Variants in KIF4A observed in about 807,000 individuals in gnomAD.
KIF4A encodes chromosome-associated kinesin KIF4A.
A neutral mutation model predicts 105.9 loss-of-function variants in KIF4A; 7 were observed. The ratio of observed to expected loss-of-function variants is 0.07; its 90% confidence interval spans 0.04 to 0.12. The LOEUF is 0.12. KIF4A is among the 10% of genes least tolerant of loss of function. The probability of loss-of-function intolerance (pLI) is 1.00; values close to 1 mark genes in which losing one functional copy is unlikely to be tolerated. For synonymous variants in KIF4A, 281 were observed against 331.3 expected (o/e 0.85, Z 1.65); for missense variants, 558 against 929.2 (o/e 0.60, Z 5.19).
At chrX:70,366,667 C>A (rs1256058742) in intron 15 of KIF4A, among the ~76,000 whole-genome samples, 1 of 111,753 alleles carries the variant, frequency 8.9e-6, no homozygotes, top group Non-Finnish European at 1.9e-5. Flanking sequence ...GCTTTACTTC[C>A]AACTATGTGG....
At chrX:70,363,244 C>CT (rs66746620) in intron 15 of KIF4A, among the ~76,000 whole-genome samples, 1,830 of 105,990 alleles carry the variant, frequency 0.017, 38 homozygotes, top group African/African-American at 0.059. Flanking sequence ...AACTATTTTT[C>CT]TTTTTTTTTT....
At chrX:70,417,808 C>G in intron 28 of KIF4A, 80 bp from the exon 29 acceptor site, 1 of 760,025 alleles carries the variant, frequency 1.3e-6, no homozygotes, top group Non-Finnish European at 1.9e-6. Context: ...TCTAGAAAAG[C>G]TTGCAAATGA....
In KIF4A at chrX:70,341,938, C is replaced by T. The variant is rs1022320675; in HGVS notation, c.1266+7C>T. On this transcript the variant is annotated splice_region_variant and intron_variant, in intron 11 of 30. Coordinates refer to ENST00000374403, the MANE Select transcript of KIF4A (RefSeq NM_012310.5). ...GTTGGAGAGGATCATTTTGGTAAGC[C>T]CCCAAGAATAAACTACTAGCAATCT... 8.3e-7 allele frequency: 1 copy of T among 1,200,694 alleles called. No individual in the cohort carries two copies. Among genetic ancestry groups the T allele is most frequent in the Non-Finnish European group, 1.1e-6 (1 of 891,508 alleles).
intron 7 of KIF4A, among the ~76,000 whole-genome samples, chrX:70,310,437 G>C (rs1380456777): frequency 9.1e-6 from 1 of 109,849 alleles, no homozygotes; most frequent in Non-Finnish European, 1.9e-5. Flanking sequence ...TTGCTGAGTA[G>C]TATTCAATTC....
intron 15 of KIF4A, among the ~76,000 whole-genome samples, chrX:70,360,451 G>T (rs2086070443): frequency 8.9e-6 from 1 of 112,615 alleles, no homozygotes; most frequent in Non-Finnish European, 1.9e-5. Flanking sequence ...CAACCCTGCT[G>T]GTACTGACTA....
intron 25 of KIF4A, among the ~76,000 whole-genome samples, chrX:70,405,062 C>T (rs887477587): frequency 2.7e-5 from 3 of 111,247 alleles, no homozygotes; most frequent in Non-Finnish European, 5.7e-5. Context: ...ATATCAGACT[C>T]TGAGGCCTTG....
At chrX:70,395,897 G>T in intron 21 of KIF4A, 52 bp from the exon 22 acceptor site, 1 of 1,194,123 alleles carries the variant, frequency 8.4e-7, no homozygotes, top group Non-Finnish European at 1.1e-6. Context: ...CATAGCTTTG[G>T]AGGATTACTT....
rs1478724197 is a variant in KIF4A at position 70,395,963 on chromosome X, C to T, written c.2403C>T (p.Ser801=). 1.7e-6 allele frequency: 2 copies of T among 1,207,977 alleles called. No individual in the cohort carries two copies. The highest frequency in any genetic ancestry group is 4.4e-5 in the Admixed American group (2 of 45,892). The change falls in exon 22 of 31, where the codon TCC becomes TCT. Residue 801 remains serine (S), a synonymous_variant. Coordinates refer to ENST00000374403, the MANE Select transcript of KIF4A (RefSeq NM_012310.5). ...ATTATTTACAGAGGCGTACATTCTCCCTTACTGAAGTGCGTGGTCAAGTTT... is the reference window on the plus strand; with the variant it reads ...ATTATTTACAGAGGCGTACATTCTCTCTTACTGAAGTGCGTGGTCAAGTTT... ...PPPKLRRRTF[S]LTEVRGQVSE...
At chrX:70,374,346 C>A in intron 16 of KIF4A, 92 bp downstream of exon 16, 1 of 512,344 alleles carries the variant, frequency 2.0e-6, no homozygotes, top group Non-Finnish European at 3.1e-6. Context: ...CATTTACTGC[C>A]CCTAAAGATT....
In KIF4A at chrX:70,406,318, A is replaced by G. The variant is rs760196024; in HGVS notation, c.3036A>G (p.Leu1012=). Residue 1012 remains leucine (L), a synonymous_variant, in exon 27 of 31, where the codon CTA becomes CTG. Transcript: ENST00000374403. The part of the protein sequence containing the change: ...RQKHLPKDTL[L]SPDSSFEYVP... The stretch of plus-strand genomic sequence containing the variant: ...AACATCTTCCTAAGGATACCCTTCT[A>G]TCTCCAGACTCTTCTTTTGAATATG... The G allele has an allele frequency of 1.7e-6, 2 of 1,207,120 alleles. No homozygotes were observed. Among genetic ancestry groups the G allele is most frequent in the Non-Finnish European group, 2.2e-6 (2 of 891,390 alleles).
chrX:70,381,832 T>C (rs145611272), intron 18 of KIF4A, among the ~76,000 whole-genome samples: 33 of 111,452 alleles, frequency 3.0e-4, no homozygotes, highest in African/African-American at 1.0e-3. Flanking sequence ...GATTCTAAAA[T>C]ATATATGGAA....
At chrX:70,291,587 T>C (rs1247720783) in intron 3 of KIF4A, among the ~76,000 whole-genome samples, 2 of 111,725 alleles carry the variant, frequency 1.8e-5, no homozygotes, top group African/African-American at 6.5e-5. Context: ...GCCTGAGAGA[T>C]GTCTAATTAT....
chrX:70,328,517 G>A lies in KIF4A; in HGVS notation c.779-888G>A, dbSNP rs180934917. ...TTCAAACGTGAATTTTGGAGGAGAC[G>A]CAAACATTTAAACTATAGCATGATT... On this transcript the variant is annotated intron_variant, in intron 7 of 30. Transcript: ENST00000374403. Among the ~76,000 whole-genome samples the A allele has an allele frequency of 4.5e-5, 5 of 111,839 alleles. No homozygotes were observed. The East Asian group carries it at 1.4e-3, about 31-fold the overall frequency.
intron 10 of KIF4A, among the ~76,000 whole-genome samples, chrX:70,339,463 A>G (rs934476039): frequency 4.4e-5 from 5 of 112,425 alleles, no homozygotes; most frequent in African/African-American, 1.6e-4. Context: ...AGTTTAGCAC[A>G]AAAAGTTCCA....
At chrX:70,322,456 C>T (rs983763550) in intron 7 of KIF4A, among the ~76,000 whole-genome samples, 7 of 109,239 alleles carry the variant, frequency 6.4e-5, no homozygotes, top group South Asian at 8.2e-4. Flanking sequence ...GGACTACAGG[C>T]GCCCACCACC....
chrX:70,301,952 G>C lies in KIF4A; in HGVS notation c.569G>C (p.Cys190Ser). 2.5e-6 allele frequency: 3 copies of C among 1,211,520 alleles called. No homozygotes were observed. Among genetic ancestry groups the C allele is most frequent in the South Asian group, 1.8e-5 (1 of 56,960 alleles). ...TVLVALDTVSCLEQGNNSRTV... is the reference protein window; with the variant it reads ...TVLVALDTVSSLEQGNNSRTV... ...TTGGTTGCCTTGGATACTGTTTCCT[G>C]TTTGGAACAGGGCAACAACTCTAGG... is the stretch of plus-strand genomic sequence containing the variant. The change falls in exon 6 of 31, where the codon TGT (cysteine) becomes TCT (serine). Residue 190 changes from cysteine (C) to serine (S), a missense_variant. This residue lies in a region of KIF4A where 89 missense variants were observed against 248.8 expected (regional missense o/e 0.36). Transcript: ENST00000374403.
At chrX:70,377,362 G>A (rs1464808883) in intron 18 of KIF4A, among the ~76,000 whole-genome samples, 1 of 111,674 alleles carries the variant, frequency 9.0e-6, no homozygotes, top group Non-Finnish European at 1.9e-5. Context: ...ATGAGCCACT[G>A]AACCCAGCCC....
chrX:70,337,691 A>C (rs1316094499), intron 10 of KIF4A, among the ~76,000 whole-genome samples: 1 of 111,432 alleles, frequency 9.0e-6, no homozygotes, highest in African/African-American at 3.3e-5. Context: ...ACAAACAAAA[A>C]ACACACACAA....
intron 24 of KIF4A, among the ~76,000 whole-genome samples, chrX:70,404,514 T>C (rs756382632): frequency 1.4e-5 from 1 of 70,993 alleles, no homozygotes; most frequent in South Asian, 1.1e-3. Context: ...CACTGCAGCC[T>C]GGGCAACAGA....
Sources: allele counts gnomAD v4.1 joint callset (sites outside exome capture counted in the v4.1 genomes callset), GRCh38; gene constraint gnomAD v4.1.1; regional missense constraint gnomAD v4.1.1; transcripts MANE v1.5; gene names NCBI Gene and HGNC (gene_info 2026-07-23, HGNC 2026-07-21).